DOCK11: variants seen among roughly 807,000 people sequenced by gnomAD.
DOCK11 encodes the protein dedicator of cytokinesis 11, also known as dedicator of cytokinesis protein 11.
In DOCK11, 70 loss-of-function variants were observed where a neutral mutation model predicts 169.1. That is an observed-to-expected ratio of 0.41 (90% CI 0.34 to 0.51). DOCK11 has a LOEUF of 0.51. Among genes scored for constraint, DOCK11 ranks in the 20% least tolerant of loss-of-function variants. The pLI is 0.10. For missense variants in DOCK11, 1,166 were observed against 1,538.8 expected, an observed-to-expected ratio of 0.76 and a Z score of 4.05; for synonymous variants, 529 against 541.3, an observed-to-expected ratio of 0.98 and a Z score of 0.32.
intron 23 of DOCK11, among the ~76,000 whole-genome samples, chrX:118,600,984 A>G (rs942881488): frequency 1.8e-5 from 2 of 111,284 alleles, no homozygotes; most frequent in African/African-American, 3.3e-5. Context: ...AGGAATATGG[A>G]GCTTTGGACA....
chrX:118,503,222 A>T (rs1375559021), intron 1 of DOCK11, among the ~76,000 whole-genome samples: 1 of 109,268 alleles, frequency 9.2e-6, no homozygotes, highest in Non-Finnish European at 1.9e-5. Flanking sequence ...ACCACGCCCC[A>T]TATAATTTTT....
chrX:118,652,223 A>C (rs969360222), intron 42 of DOCK11, 146 bp downstream of exon 42: 2 of 400,327 alleles, frequency 5.0e-6, no homozygotes, highest in African/African-American at 5.1e-5. Context: ...TGTCTTATAC[A>C]TCACTATATC....
In DOCK11 at chrX:118,588,478, GGTTT is replaced by G; in HGVS notation, c.2046+5_2046+8del. ...ATGAAAGTGACGCTAGTGCCCTAAA[GGTTT>G]GTTTATGATATTGATAGGCATATGT... On this transcript the variant is annotated splice_donor_variant and splice_donor_region_variant and intron_variant, in intron 18 of 52. Transcript: ENST00000276202. LOFTEE classifies it high-confidence loss of function. 1 of 1,174,715 alleles carries G rather than the reference GGTTT, an allele frequency of 8.5e-7. No homozygotes were observed. Among genetic ancestry groups the G allele is most frequent in the Non-Finnish European group, 1.1e-6 (1 of 877,200 alleles).
chrX:118,610,068 G>A (rs1412395460), intron 27 of DOCK11, among the ~76,000 whole-genome samples: 1 of 112,098 alleles, frequency 8.9e-6, no homozygotes, highest in African/African-American at 3.2e-5. Flanking sequence ...CCTCAGTCAG[G>A]TAGATTATTA....
intron 44 of DOCK11, among the ~76,000 whole-genome samples, chrX:118,660,727 C>T (rs2016193783): frequency 9.1e-6 from 1 of 110,205 alleles, no homozygotes; most frequent in African/African-American, 3.3e-5. Context: ...GCCTCGGCCT[C>T]CCAAAGTGCT....
chrX:118,608,215 G>A lies in DOCK11; in HGVS notation c.2752-16G>A, dbSNP rs751987975. Reference sequence around the variant, plus strand: ...TTTGTCTTACAGTTCATTTTTTTTTGTTTGTTTATTTGTAGTATAGCTTCC... The same window carrying A: ...TTTGTCTTACAGTTCATTTTTTTTTATTTGTTTATTTGTAGTATAGCTTCC... On this transcript the variant is annotated splice_polypyrimidine_tract_variant and intron_variant, in intron 25 of 52. Coordinates refer to ENST00000276202, the MANE Select transcript of DOCK11 (RefSeq NM_144658.4). 2 of 1,180,208 alleles carry A rather than the reference G, an allele frequency of 1.7e-6. No individual in the cohort carries two copies. The highest frequency in any genetic ancestry group is 6.0e-5 in the East Asian group (2 of 33,431).
intron 1 of DOCK11, among the ~76,000 whole-genome samples, chrX:118,532,651 G>C (rs1226098711): frequency 9.2e-6 from 1 of 109,227 alleles, no homozygotes; most frequent in African/African-American, 3.3e-5. Context: ...CGTGGTGGTG[G>C]GCGCCTGTAG....
intron 16 of DOCK11, among the ~76,000 whole-genome samples, chrX:118,587,936 A>C (rs1327683833): frequency 8.9e-6 from 1 of 112,277 alleles, no homozygotes; most frequent in African/African-American, 3.2e-5. Context: ...GAAGGGTTCC[A>C]CTAAAATCAG....
chrX:118,684,260 C>CT (rs1163600493), intron 52 of DOCK11, among the ~76,000 whole-genome samples: 7 of 90,396 alleles, frequency 7.7e-5, no homozygotes, highest in African/African-American at 1.3e-4. Context: ...GCTTTTTTTT[C>CT]TTTTTTTTTT....
intron 1 of DOCK11, among the ~76,000 whole-genome samples, chrX:118,507,368 A>ATTTT (rs35910696): frequency 9.9e-6 from 1 of 100,977 alleles, no homozygotes; most frequent in Non-Finnish European, 2.0e-5. Flanking sequence ...TTTGTATAAG[A>ATTTT]TTTTTTTTTT....
At chrX:118,617,711 C>T (rs1162057000) in intron 30 of DOCK11, among the ~76,000 whole-genome samples, 1 of 110,086 alleles carries the variant, frequency 9.1e-6, no homozygotes, top group African/African-American at 3.3e-5. Context: ...GAAACCCCGT[C>T]CCTACTAAAA....
intron 49 of DOCK11, 55 bp from the exon 50 acceptor site, chrX:118,681,003 C>A: frequency 9.6e-7 from 1 of 1,038,172 alleles, no homozygotes; most frequent in South Asian, 2.5e-5. Context: ...TTTAATTTGG[C>A]TGTTTGAACA....
chrX:118,680,601 C>T lies in DOCK11; in HGVS notation c.5580C>T (p.Ile1860=). Residue 1860 remains isoleucine, a synonymous_variant, in exon 49 of 53, where the codon ATC becomes ATT. Transcript: ENST00000276202. ...CCGAGTTTGAAAGAAATCATAATAT[C>T]AGCAGATTTGTTTTTGAGGCCCCTT... ...RKTEFERNHN[I]SRFVFEAPYT... is the part of the protein sequence containing the mutation. 8.3e-7 allele frequency: 1 copy of T among 1,210,505 alleles called. No homozygotes were observed. Among genetic ancestry groups the T allele is most frequent in the Non-Finnish European group, 1.1e-6 (1 of 894,592 alleles).
chrX:118,543,409 A>G (rs1289743224), intron 3 of DOCK11, 102 bp from the exon 4 acceptor site: 9 of 644,386 alleles, frequency 1.4e-5, no homozygotes, highest in Non-Finnish European at 4.8e-6. Flanking sequence ...GTAATTGCCA[A>G]ATGGTTTTAG....
chrX:118,670,986 A>G (rs765444048), intron 45 of DOCK11, 37 bp from the exon 46 acceptor site: 7 of 1,143,111 alleles, frequency 6.1e-6, no homozygotes, highest in African/African-American at 3.6e-5. Context: ...CTCTAAAACT[A>G]TTTTTAATTC....
intron 41 of DOCK11, among the ~76,000 whole-genome samples, chrX:118,650,944 A>G (rs1265439367): frequency 1.8e-5 from 2 of 112,006 alleles, no homozygotes; most frequent in Middle Eastern, 4.2e-3. Flanking sequence ...CATGAGGCAC[A>G]GAAAGGTTAA....
chrX:118,648,416 G>A (rs1394945664), intron 40 of DOCK11, among the ~76,000 whole-genome samples: 1 of 95,391 alleles, frequency 1.0e-5, no homozygotes, highest in African/African-American at 3.8e-5. Context: ...TTACTCTTTT[G>A]CTTTATATTT....
chrX:118,581,805 T>TA (rs35095116), intron 14 of DOCK11, among the ~76,000 whole-genome samples: 1,901 of 12,709 alleles, frequency 0.15, 453 homozygotes, highest in Non-Finnish European at 0.17. Context: ...CTCCGTCTCC[T>TA]AAAAAAAAAA....
intron 37 of DOCK11, 35 bp downstream of exon 37, chrX:118,638,162 C>T (rs1277655470): frequency 1.7e-6 from 2 of 1,173,188 alleles, no homozygotes; most frequent in South Asian, 3.6e-5. Flanking sequence ...CTACTTTTTC[C>T]TTCTCTTCCA....
Sources: gnomAD v4.1 joint callset for allele counts (sites outside exome capture counted in the v4.1 genomes callset) on GRCh38, gnomAD v4.1.1 for gene constraint, MANE v1.5 for transcripts, NCBI Gene and HGNC (gene_info 2026-07-23, HGNC 2026-07-21) for gene names.